GABRB2: variants seen among roughly 807,000 people sequenced by gnomAD.
The protein encoded by GABRB2 is gamma-aminobutyric acid type A receptor subunit beta2, also known as gamma-aminobutyric acid receptor subunit beta-2.
A neutral mutation model predicts 54.7 loss-of-function variants in GABRB2; 16 were observed. The ratio of observed to expected loss-of-function variants is 0.29; its 90% CI spans 0.20 to 0.44. GABRB2 has a LOEUF of 0.44. Ranked by LOEUF, GABRB2 falls within the 20% of genes least tolerant of loss-of-function variation. The pLI, the probability that GABRB2 is intolerant of heterozygous loss-of-function variation, is 1.00. For synonymous variants in GABRB2, 244 were observed against 233.8 expected, an observed-to-expected ratio of 1.04 and a Z score of -0.40; for missense variants, 355 against 644.0, an observed-to-expected ratio of 0.55 and a Z score of 4.86.
At chr5:161,337,340 A>G (rs1000570608) in intron 5 of GABRB2, among the ~76,000 whole-genome samples, 1 of 152,194 alleles carries the variant, frequency 6.6e-6, no homozygotes, top group African/African-American at 2.4e-5. Context: ...TCTGTTCAAT[A>G]TTCATGTAGT....
intron 3 of GABRB2, among the ~76,000 whole-genome samples, chr5:161,473,142 A>G (rs1048917286): frequency 1.3e-5 from 2 of 152,114 alleles, no homozygotes; most frequent in African/African-American, 4.8e-5. Flanking sequence ...TCAGAATAAG[A>G]CGGAAATTCA....
chr5:161,390,961 G>A (rs917670132), intron 5 of GABRB2, among the ~76,000 whole-genome samples: 4 of 152,026 alleles, frequency 2.6e-5, no homozygotes, highest in Admixed American at 6.6e-5. Flanking sequence ...GAAAATTTAC[G>A]GTTCAGGGAC....
chr5:161,458,039 A>C (rs1581002917), intron 4 of GABRB2, among the ~76,000 whole-genome samples: 1 of 152,128 alleles, frequency 6.6e-6, no homozygotes, highest in African/African-American at 2.4e-5. Context: ...TATCATTTCT[A>C]AGTCTCCTGC....
intron 5 of GABRB2, among the ~76,000 whole-genome samples, chr5:161,360,041 C>T (rs1218710473): frequency 6.6e-6 from 1 of 151,876 alleles, no homozygotes; most frequent in African/African-American, 2.4e-5. Context: ...CAAGATTGTG[C>T]CACTGCACTA....
chr5:161,309,691 C>T (rs1256785297), intron 9 of GABRB2, among the ~76,000 whole-genome samples: 1 of 150,420 alleles, frequency 6.6e-6, no homozygotes, highest in South Asian at 2.1e-4. Context: ...AGTGCAGTGG[C>T]GTGATCTCGG....
At chr5:161,543,755 A>G (rs535462810) in intron 3 of GABRB2, among the ~76,000 whole-genome samples, 1 of 152,356 alleles carries the variant, frequency 6.6e-6, no homozygotes, top group Non-Finnish European at 1.5e-5. Flanking sequence ...AAATTCACCA[A>G]AAGTGAATAT....
intron 5 of GABRB2, among the ~76,000 whole-genome samples, chr5:161,377,779 C>T (rs1193545653): frequency 6.6e-6 from 1 of 151,918 alleles, no homozygotes; most frequent in Non-Finnish European, 1.5e-5. Flanking sequence ...TTAAAAATAG[C>T]CCTTTATTAA....
chr5:161,379,738 C>G (rs974395551), intron 5 of GABRB2, among the ~76,000 whole-genome samples: 3 of 152,072 alleles, frequency 2.0e-5, no homozygotes, highest in African/African-American at 7.2e-5. Context: ...TCAACTTGCA[C>G]TACTAGAGCT....
At chr5:161,322,811 T>C (rs1426171393) in intron 9 of GABRB2, among the ~76,000 whole-genome samples, 2 of 152,102 alleles carry the variant, frequency 1.3e-5, no homozygotes, top group Admixed American at 6.6e-5. Context: ...CTGTTTTAGA[T>C]TGGTTTGTTA....
At chr5:161,379,643 G>A (rs1220396130) in intron 5 of GABRB2, among the ~76,000 whole-genome samples, 2 of 152,100 alleles carry the variant, frequency 1.3e-5, no homozygotes, top group African/African-American at 2.4e-5. Flanking sequence ...GGCTATAGAA[G>A]CAGACATTCA....
At chr5:161,328,149 G>A (rs1028968849) in intron 8 of GABRB2, among the ~76,000 whole-genome samples, 2 of 152,110 alleles carry the variant, frequency 1.3e-5, no homozygotes, top group African/African-American at 2.4e-5. Context: ...AATACCCTTT[G>A]AAAAATGATT....
intron 5 of GABRB2, among the ~76,000 whole-genome samples, chr5:161,399,597 A>G (rs1309865950): frequency 6.6e-6 from 1 of 152,178 alleles, no homozygotes; most frequent in Non-Finnish European, 1.5e-5. Context: ...TGTAATTTTG[A>G]GAGTCATCTC....
At chr5:161,399,912 G>T (rs1756131013) in intron 5 of GABRB2, among the ~76,000 whole-genome samples, 1 of 152,064 alleles carries the variant, frequency 6.6e-6, no homozygotes, top group African/African-American at 2.4e-5. Context: ...TTAAATACAG[G>T]GTAGTTACTA....
At chr5:161,544,845 CA>C (rs1760925668) in intron 3 of GABRB2, among the ~76,000 whole-genome samples, 2 of 152,062 alleles carry the variant, frequency 1.3e-5, no homozygotes, top group African/African-American at 2.4e-5. Flanking sequence ...CTATATTCTC[CA>C]TTAAATGTCA....
rs984984265 is a variant in GABRB2, at chr5:161,304,991, T to C, written c.1192-10563A>G. On this transcript the variant is annotated intron_variant, in intron 9 of 9. Transcript: ENST00000393959. ...GAAAAGGGGAAGAAAACTATATTTA[T>C]GATATATCAATTTTTTTTTTTTTTT... Among the ~76,000 whole-genome samples the C allele has an allele frequency of 2.0e-5, 3 of 149,660 alleles. No homozygotes were observed. In the Admixed American group the frequency reaches 2.0e-4, roughly 10 times the overall value.
intron 3 of GABRB2, among the ~76,000 whole-genome samples, chr5:161,472,207 C>T (rs1758461524): frequency 6.6e-6 from 1 of 151,850 alleles, no homozygotes; most frequent in Non-Finnish European, 1.5e-5. Context: ...CCAAGTGACA[C>T]ATCTGGCAAG....
chr5:161,325,695 G>A (rs1758341543), intron 9 of GABRB2, among the ~76,000 whole-genome samples: 1 of 152,082 alleles, frequency 6.6e-6, no homozygotes, highest in South Asian at 2.1e-4. Flanking sequence ...AATTTGGAGG[G>A]CAATATGAAT....
chr5:161,313,448 C>T lies in GABRB2; in HGVS notation c.1191+12920G>A, dbSNP rs143066465. 7.6e-3 allele frequency among the ~76,000 whole-genome samples: 1,150 copies of T among 151,870 alleles called. 14 individuals carry two copies. Among genetic ancestry groups the T allele is most frequent in the African/African-American group, 0.025 (1,043 of 41,380 alleles). The stretch of plus-strand genomic sequence containing the variant: ...AACATGCATCTGAAGAAAACACCTC[C>T]GTCCTCTGAAACTCAGCAGCATGTA... On this transcript the variant is annotated intron_variant, in intron 9 of 9. Transcript: ENST00000393959.
Position 161,292,712 on chromosome 5 carries a change from T to G in GABRB2, c.*1369A>C, listed in dbSNP as rs1757270586. The stretch of plus-strand genomic sequence containing the variant: ...GCAACATATACAATGAAAGCACTCT[T>G]AAGAAAATCAAGCCCCAAACCAATG... On this transcript the variant is annotated 3_prime_UTR_variant, in exon 10 of 10. Transcript: ENST00000393959. 1 of 152,192 alleles carries G rather than the reference T, an allele frequency of 6.6e-6. No homozygotes were observed. Among genetic ancestry groups the G allele is most frequent in the African/African-American group, 2.4e-5 (1 of 41,460 alleles). The allele number at this position is 152,192 out of a possible 1,614,324, so 9.4% of individuals were successfully genotyped here. A position where few individuals can be genotyped will look rare whatever the true frequency, so the allele number is the denominator to read the frequency against.
Sources: allele counts gnomAD v4.1 joint callset (sites outside exome capture counted in the v4.1 genomes callset), GRCh38; gene constraint gnomAD v4.1.1; transcripts MANE v1.5; gene names NCBI Gene and HGNC (gene_info 2026-07-23, HGNC 2026-07-21).